AGBL4: variants seen among roughly 807,000 people sequenced by gnomAD.
AGBL4 encodes cytosolic carboxypeptidase 6.
Under a neutral mutation model 66.4 loss-of-function variants are expected in AGBL4, and 58 were observed. The ratio of observed to expected loss-of-function variants is 0.87; its 90% CI spans 0.71 to 1.09. The LOEUF (loss-of-function observed/expected upper bound fraction) is 1.09, where lower values mean the gene tolerates loss of function less well. Among genes scored for constraint, AGBL4 ranks in the 50% least tolerant of loss-of-function variants. The probability of loss-of-function intolerance (pLI) is 0.00; values close to 1 mark genes in which losing one functional copy is unlikely to be tolerated. For synonymous variants in AGBL4, 234 were observed against 222.9 expected (o/e 1.05, Z -0.44); for missense variants, 579 against 631.0 (o/e 0.92, Z 0.88).
chr1:48,946,835 C>T (rs1656552458), intron 5 of AGBL4, among the ~76,000 whole-genome samples: 1 of 152,154 alleles, frequency 6.6e-6, no homozygotes, highest in African/African-American at 2.4e-5. Context: ...TAGGTGATGA[C>T]ATCCCGGAGG....
At chr1:49,490,216 G>T (rs1647160566) in intron 3 of AGBL4, among the ~76,000 whole-genome samples, 2 of 151,588 alleles carry the variant, frequency 1.3e-5, no homozygotes, top group Non-Finnish European at 1.5e-5. Flanking sequence ...TGAATTTTCA[G>T]GAGATTTAAT....
chr1:49,305,443 C>A lies in AGBL4; in HGVS notation c.283-59579G>T, dbSNP rs78615643. Reference sequence around the variant, plus strand: ...GTCAGCTCTCCAAAAACACGAGTTTCACATGCCTCAAATACTGTATTTTCT... The same window carrying A: ...GTCAGCTCTCCAAAAACACGAGTTTAACATGCCTCAAATACTGTATTTTCT... On this transcript the variant is annotated intron_variant, in intron 3 of 13. Transcript: ENST00000371839. Among the ~76,000 whole-genome samples, 1,343 of 152,240 alleles carry A rather than the reference C, an allele frequency of 8.8e-3. 17 individuals carry two copies. The highest frequency in any genetic ancestry group is 0.031 in the African/African-American group (1,289 of 41,548).
intron 1 of AGBL4, among the ~76,000 whole-genome samples, chr1:49,991,222 A>T (rs1024929578): frequency 6.6e-6 from 1 of 152,172 alleles, no homozygotes; most frequent in Non-Finnish European, 1.5e-5. Context: ...AAAATCATCA[A>T]TTATTAATGT....
chr1:49,260,283 C>T (rs879549990), intron 3 of AGBL4, among the ~76,000 whole-genome samples: 3 of 151,310 alleles, frequency 2.0e-5, no homozygotes, highest in East Asian at 1.9e-4. Flanking sequence ...CAAAAGCTAG[C>T]AGAAGGCAAG....
In AGBL4 at chr1:49,710,619, T is replaced by A. The variant is rs12070128; in HGVS notation, c.158-13182A>T. Among the ~76,000 whole-genome samples, 656 of 151,672 alleles carry A rather than the reference T, an allele frequency of 4.3e-3. 7 individuals are homozygous for A. The highest frequency in any genetic ancestry group is 0.015 in the African/African-American group (614 of 41,496). On this transcript the variant is annotated intron_variant, in intron 2 of 13. Coordinates refer to ENST00000371839, the MANE Select transcript of AGBL4 (RefSeq NM_032785.4). ...ACAAAAATGAATAAATAATTTAAAA[T>A]TTTTAAAAAATATATATAATAGAAA...
At chr1:49,599,754 C>T (rs1205106838) in intron 3 of AGBL4, among the ~76,000 whole-genome samples, 2 of 152,176 alleles carry the variant, frequency 1.3e-5, no homozygotes, top group Non-Finnish European at 1.5e-5. Flanking sequence ...GCATTTAGTG[C>T]TATAAATTTC....
In AGBL4 at chr1:49,542,736, A is replaced by G. The variant is rs369336469; in HGVS notation, c.282+154577T>C. On this transcript the variant is annotated intron_variant, in intron 3 of 13. Transcript: ENST00000371839. ...AACATGATGAAACCCTGTCTCTACT[A>G]AAAATACAAAAATTAGCTGGGTATG... Among the ~76,000 whole-genome samples the G allele has an allele frequency of 1.6e-4, 25 of 151,992 alleles. No individual in the cohort carries two copies. The East Asian group carries it at 2.9e-3, about 18-fold the overall frequency.
chr1:49,546,838 C>T (rs1395558694), intron 3 of AGBL4, among the ~76,000 whole-genome samples: 1 of 151,876 alleles, frequency 6.6e-6, no homozygotes, highest in African/African-American at 2.4e-5. Flanking sequence ...GTGCTTAGCC[C>T]CGTTTTTGAT....
intron 3 of AGBL4, among the ~76,000 whole-genome samples, chr1:49,530,941 A>G (rs1651092696): frequency 6.6e-6 from 1 of 152,092 alleles, no homozygotes; most frequent in South Asian, 2.1e-4. Flanking sequence ...GGGGAAATAA[A>G]AATACCTAAA....
rs1644431792 is a variant in AGBL4, at chr1:49,374,529, T to C, written c.283-128665A>G. Among the ~76,000 whole-genome samples, 2 of 152,086 alleles carry C rather than the reference T, an allele frequency of 1.3e-5. 1 individual carries two copies. Among genetic ancestry groups the C allele is most frequent in the Non-Finnish European group, 2.9e-5 (2 of 68,016 alleles). On this transcript the variant is annotated intron_variant, in intron 3 of 13. Coordinates refer to ENST00000371839, the MANE Select transcript of AGBL4 (RefSeq NM_032785.4). Reference sequence around the variant, plus strand: ...CCCCTCATTTAACACTCAGGAAACATTCCTTGAGTGACCACTCTGTCAATG... The same window carrying C: ...CCCCTCATTTAACACTCAGGAAACACTCCTTGAGTGACCACTCTGTCAATG...
At chr1:49,168,925 T>C (rs1351158512) in intron 4 of AGBL4, among the ~76,000 whole-genome samples, 1 of 152,138 alleles carries the variant, frequency 6.6e-6, no homozygotes, top group Non-Finnish European at 1.5e-5. Context: ...CACAACCTAA[T>C]GTATGGAGGG....
At chr1:49,864,627 C>T (rs1646656824) in intron 1 of AGBL4, among the ~76,000 whole-genome samples, 2 of 152,142 alleles carry the variant, frequency 1.3e-5, no homozygotes, top group Non-Finnish European at 2.9e-5. Flanking sequence ...TGCTACCCAA[C>T]CTGGGAAGCC....
intron 2 of AGBL4, among the ~76,000 whole-genome samples, chr1:49,777,582 G>C (rs1477677770): frequency 1.3e-5 from 2 of 152,118 alleles, no homozygotes. Flanking sequence ...GAAAAGCCCA[G>C]CCTAGCACTC....
At chr1:49,695,916 G>A (rs1455461695) in intron 3 of AGBL4, among the ~76,000 whole-genome samples, 4 of 152,040 alleles carry the variant, frequency 2.6e-5, no homozygotes, top group Non-Finnish European at 5.9e-5. Context: ...TTGTATAGAA[G>A]AAGGCTCAGA....
chr1:48,663,911 G>A (rs1192755918), intron 6 of AGBL4, among the ~76,000 whole-genome samples: 1 of 152,090 alleles, frequency 6.6e-6, no homozygotes, highest in Non-Finnish European at 1.5e-5. Context: ...GTGGTGGTAG[G>A]AGCTGAGATT....
intron 6 of AGBL4, among the ~76,000 whole-genome samples, chr1:48,702,339 T>G (rs912767409): frequency 1.3e-5 from 2 of 152,086 alleles, no homozygotes; most frequent in Non-Finnish European, 2.9e-5. Flanking sequence ...TTGCCCAGGC[T>G]GGAGTGCAAT....
chr1:49,705,174 TTC>T (rs1279628293), intron 2 of AGBL4, among the ~76,000 whole-genome samples: 1 of 152,208 alleles, frequency 6.6e-6, no homozygotes, highest in Non-Finnish European at 1.5e-5. Flanking sequence ...AGGTATTTTA[TTC>T]TCTTTTTAAC....
chr1:48,761,321 G>A lies in AGBL4; in HGVS notation c.635-98080C>T, dbSNP rs932822031. ...ATGCTCCAGCATACCTCCAAAGAAA[G>A]GAAAGATTTTGTTACCTTGATGTGT... On this transcript the variant is annotated intron_variant, in intron 6 of 13. Coordinates refer to ENST00000371839, the MANE Select transcript of AGBL4 (RefSeq NM_032785.4). The A allele has an allele frequency of 1.1e-5, 17 of 1,540,052 alleles. No homozygotes were observed. In the African/African-American group the frequency reaches 1.7e-4, roughly 15 times the overall value.
At chr1:48,629,160 G>A (rs1311998880) in intron 9 of AGBL4, among the ~76,000 whole-genome samples, 1 of 152,172 alleles carries the variant, frequency 6.6e-6, no homozygotes, top group Non-Finnish European at 1.5e-5. Flanking sequence ...GGAGTTGCAG[G>A]TGGATGGTCC....
Sources: allele counts gnomAD v4.1 joint callset (sites outside exome capture counted in the v4.1 genomes callset), GRCh38; gene constraint gnomAD v4.1.1; transcripts MANE v1.5; gene names NCBI Gene and HGNC (gene_info 2026-07-23, HGNC 2026-07-21).